Variants in PDZRN4 observed in about 807,000 individuals in gnomAD.
PDZRN4 encodes the protein PDZ domain containing ring finger 4, also known as PDZ domain-containing RING finger protein 4.
Under a neutral mutation model 99.0 loss-of-function variants are expected in PDZRN4, and 70 were observed. That is an observed-to-expected ratio of 0.71 (90% CI 0.58 to 0.86). PDZRN4 has a LOEUF of 0.86. Ranked by LOEUF, PDZRN4 falls within the 40% of genes least tolerant of loss-of-function variation. PDZRN4 has a pLI of 0.00. For synonymous variants in PDZRN4, 551 were observed against 501.6 expected (o/e 1.10, Z -1.32); for missense variants, 1,474 against 1,331.2 (o/e 1.11, Z -1.67).
chr12:41,342,508 A>T (rs1429513268), intron 3 of PDZRN4, among the ~76,000 whole-genome samples: 2 of 151,980 alleles, frequency 1.3e-5, no homozygotes, highest in African/African-American at 2.4e-5. Flanking sequence ...CCACAGAAAA[A>T]ATATAATAAT....
At chr12:41,233,794 G>C (rs1054441949) in intron 3 of PDZRN4, among the ~76,000 whole-genome samples, 1 of 151,874 alleles carries the variant, frequency 6.6e-6, no homozygotes, top group African/African-American at 2.4e-5. Flanking sequence ...GTTGTGTGGT[G>C]GGGGGAGCGG....
intron 5 of PDZRN4, among the ~76,000 whole-genome samples, chr12:41,530,895 G>C (rs1350610701): frequency 2.0e-5 from 3 of 152,066 alleles, no homozygotes; most frequent in Non-Finnish European, 4.4e-5. Context: ...AGTGCAATGG[G>C]GGTGTGGCTC....
chr12:41,439,450 C>T (rs1031238355), intron 3 of PDZRN4, among the ~76,000 whole-genome samples: 1 of 152,036 alleles, frequency 6.6e-6, no homozygotes. Flanking sequence ...TTTATTTAAT[C>T]TGAATTACTA....
rs1328729912 is a variant in PDZRN4 at position 41,475,731 on chromosome 12, T to C, written c.844-30725T>C. 1.4e-4 allele frequency among the ~76,000 whole-genome samples: 21 copies of C among 152,222 alleles called. 1 individual carries two copies. Among genetic ancestry groups the C allele is most frequent in the Admixed American group, 1.4e-3 (21 of 15,272 alleles). ...TTTATACATAATTTCATGAAAACCA[T>C]AATTCCTTTTGTATGCATGTAGTAT... On this transcript the variant is annotated intron_variant, in intron 3 of 9. Transcript: ENST00000402685.
chr12:41,347,860 G>T (rs2121030782), intron 3 of PDZRN4, among the ~76,000 whole-genome samples: 1 of 152,240 alleles, frequency 6.6e-6, no homozygotes, highest in East Asian at 1.9e-4. Context: ...GGTTTGGTCA[G>T]ATATATTAGT....
rs576428750 is a variant in PDZRN4 at position 41,239,144 on chromosome 12, C to T, written c.843+44956C>T. Among the ~76,000 whole-genome samples the T allele has an allele frequency of 5.3e-5, 8 of 152,222 alleles. 1 individual carries two copies. The East Asian group carries it at 1.4e-3, about 26-fold the overall frequency. The stretch of plus-strand genomic sequence containing the variant: ...AATAGTATGCAGCCATAAAAAGGAA[C>T]AAGATCATGTCCTTTGCAGGGGCAT... On this transcript the variant is annotated intron_variant, in intron 3 of 9. Coordinates refer to ENST00000402685, the MANE Select transcript of PDZRN4 (RefSeq NM_001164595.2).
At chr12:41,522,143 G>C (rs1023674115) in intron 5 of PDZRN4, among the ~76,000 whole-genome samples, 1 of 152,114 alleles carries the variant, frequency 6.6e-6, no homozygotes, top group African/African-American at 2.4e-5. Context: ...TGCTTTAAGA[G>C]CATGTGAGCA....
chr12:41,286,791 T>C (rs78708520), intron 3 of PDZRN4, among the ~76,000 whole-genome samples: 1,732 of 152,244 alleles, frequency 0.011, 52 homozygotes, highest in East Asian at 0.097. Flanking sequence ...CAGTGGCAAA[T>C]GACTCTGATG....
At chr12:41,304,411 T>C (rs1951556570) in intron 3 of PDZRN4, among the ~76,000 whole-genome samples, 1 of 152,230 alleles carries the variant, frequency 6.6e-6, no homozygotes, top group Non-Finnish European at 1.5e-5. Context: ...TTTCTCAAAC[T>C]GTTTTTTAAA....
At chr12:41,382,711 G>C (rs148800486) in intron 3 of PDZRN4, among the ~76,000 whole-genome samples, 1 of 152,268 alleles carries the variant, frequency 6.6e-6, no homozygotes, top group Non-Finnish European at 1.5e-5. Context: ...GACATGGAGG[G>C]ACTTAGGTGT....
chr12:41,573,285 T>G lies in PDZRN4; in HGVS notation c.2506T>G (p.Ser836Ala), dbSNP rs1939517299. 6.2e-7 allele frequency: 1 copy of G among 1,613,554 alleles called. No individual in the cohort carries two copies. Among genetic ancestry groups the G allele is most frequent in the African/African-American group, 1.3e-5 (1 of 74,900 alleles). The stretch of plus-strand genomic sequence containing the variant: ...CCCTTACCTCTCTCCTTACCACAGC[T>G]CCTCATATAGATATGCAAACATCCC... ...HIPYLSPYHS[S>A]SYRYANIPAH... The change falls in exon 10 of 10, where the codon TCC (serine) becomes GCC (alanine). Residue 836 changes from serine (S) to alanine (A), a missense_variant. Physicochemically the swap from Ser to Ala is moderately conservative, Grantham distance 99 (BLOSUM62 1). Transcript: ENST00000402685.
At chr12:41,318,283 T>G (rs1269911242) in intron 3 of PDZRN4, among the ~76,000 whole-genome samples, 1 of 152,202 alleles carries the variant, frequency 6.6e-6, no homozygotes, top group African/African-American at 2.4e-5. Flanking sequence ...CTATATATAA[T>G]TCTATTTGCT....
At chr12:41,280,839 T>G (rs746929270) in intron 3 of PDZRN4, among the ~76,000 whole-genome samples, 2 of 152,140 alleles carry the variant, frequency 1.3e-5, no homozygotes, top group Non-Finnish European at 2.9e-5. Context: ...GCAGCGGATC[T>G]CCCAGCACAG....
intron 3 of PDZRN4, among the ~76,000 whole-genome samples, chr12:41,246,431 G>A (rs1951134273): frequency 6.6e-6 from 1 of 152,146 alleles, no homozygotes; most frequent in African/African-American, 2.4e-5. Flanking sequence ...GGTATGGATG[G>A]ATATTAATCT....
In PDZRN4 at chr12:41,188,647, G is replaced by A. The variant is rs768286546; in HGVS notation, c.192G>A (p.Leu64=). Residue 64 remains leucine (L), a synonymous_variant, in exon 1 of 10, where the codon CTG becomes CTA. Coordinates refer to ENST00000402685, the MANE Select transcript of PDZRN4 (RefSeq NM_001164595.2). ...GCCAGCCCTTGGCGCCCGGCGAGCT[G>A]TACCGGGTGCTGCCGCTGCGCAGCC... ...LQCQPLAPGE[L]YRVLPLRSLI... is the part of the protein sequence containing the mutation. 1 of 1,543,422 alleles carries A rather than the reference G, an allele frequency of 6.5e-7. No homozygotes were observed. The highest frequency in any genetic ancestry group is 2.4e-5 in the East Asian group (1 of 41,418).
intron 3 of PDZRN4, among the ~76,000 whole-genome samples, chr12:41,345,722 T>TAC (rs1951848364): frequency 6.6e-6 from 1 of 152,292 alleles, no homozygotes; most frequent in Admixed American, 6.5e-5. Context: ...TGGGGATGCA[T>TAC]ACACCTTTCT....
chr12:41,517,349 A>C (rs1938419155), intron 5 of PDZRN4, among the ~76,000 whole-genome samples: 1 of 152,068 alleles, frequency 6.6e-6, no homozygotes, highest in African/African-American at 2.4e-5. Flanking sequence ...TACTTATGAT[A>C]CACATTCAGA....
intron 3 of PDZRN4, among the ~76,000 whole-genome samples, chr12:41,455,054 A>G (rs1379769): frequency 0.54 from 81,630 of 151,960 alleles, 22,741 homozygotes; most frequent in African/African-American, 0.71. Flanking sequence ...TCTAGAAATT[A>G]TTAAGGAATC....
intron 3 of PDZRN4, among the ~76,000 whole-genome samples, chr12:41,376,756 C>T (rs562053771): frequency 5.9e-5 from 9 of 152,094 alleles, no homozygotes; most frequent in African/African-American, 1.9e-4. Flanking sequence ...CTTACTTTTG[C>T]TTTTGTGGTT....
Sources: allele counts gnomAD v4.1 joint callset (sites outside exome capture counted in the v4.1 genomes callset), GRCh38; gene constraint gnomAD v4.1.1; transcripts MANE v1.5; gene names NCBI Gene and HGNC (gene_info 2026-07-23, HGNC 2026-07-21).